The following FKTN variants were observed in gnomAD, a reference collection of about 807,000 sequenced individuals.
The protein encoded by FKTN is fukutin, also known as ribitol-5-phosphate transferase FKTN.
FKTN carries 47 observed loss-of-function variants against 58.6 expected under a neutral mutation model. That is an observed-to-expected ratio of 0.80 (90% CI 0.63 to 1.02). The LOEUF (loss-of-function observed/expected upper bound fraction) is 1.02. Ranked by LOEUF, FKTN falls within the 50% of genes least tolerant of loss-of-function variation. The pLI, the probability that FKTN is intolerant of heterozygous loss-of-function variation, is 0.00. For missense variants in FKTN, 516 were observed against 537.3 expected (o/e 0.96, Z 0.39); for synonymous variants, 178 against 191.9 (o/e 0.93, Z 0.60).
intron 8 of FKTN, 38 bp from the exon 9 acceptor site, chr9:105,617,921 A>AC: frequency 7.3e-7 from 1 of 1,372,212 alleles, no homozygotes; most frequent in South Asian, 1.3e-5. Flanking sequence ...TTTTTTCCAA[A>AC]CCTAAATTTT....
intron 7 of FKTN, among the ~76,000 whole-genome samples, chr9:105,611,837 A>G (rs1829975696): frequency 6.6e-6 from 1 of 152,126 alleles, no homozygotes; most frequent in South Asian, 2.1e-4. Context: ...AAGAGAATGA[A>G]TGATTTATAT....
chr9:105,636,591 T>A lies in FKTN; in HGVS notation c.*1327T>A. Reference sequence around the variant, plus strand: ...TGCTGTTTACCCCATCTCTCTCTTATATCACTTGAATGATATATTGTAAGT... The same window carrying A: ...TGCTGTTTACCCCATCTCTCTCTTAAATCACTTGAATGATATATTGTAAGT... On this transcript the variant is annotated 3_prime_UTR_variant, in exon 11 of 11. Transcript: ENST00000357998. 1 of 1,118,310 alleles carries A rather than the reference T, an allele frequency of 8.9e-7. No homozygotes were observed. Among genetic ancestry groups the A allele is most frequent in the Non-Finnish European group, 1.1e-6 (1 of 888,270 alleles). The allele number at this position is 1,118,310 out of a possible 1,614,324, so 69.3% of individuals were successfully genotyped here.
In FKTN at chr9:105,628,663, C is replaced by T. The variant is rs114909983; in HGVS notation, c.1173-6388C>T. On this transcript the variant is annotated intron_variant, in intron 10 of 10. Transcript: ENST00000357998. The stretch of plus-strand genomic sequence containing the variant: ...ATACTAGCAAGAAATGGAAGCAACC[C>T]AAATGCCCATCTTCTGGTGACTAGT... Among the ~76,000 whole-genome samples, 1,391 of 152,240 alleles carry T rather than the reference C, an allele frequency of 9.1e-3. 23 individuals are homozygous for T. The highest frequency in any genetic ancestry group is 0.032 in the African/African-American group (1,342 of 41,542).
rs1043325182 is a variant in FKTN at position 105,635,479 on chromosome 9, A to C, written c.*215A>C. The C allele has an allele frequency of 2.8e-6, 4 of 1,422,828 alleles. No homozygotes were observed. In the African/African-American group the frequency reaches 5.8e-5, roughly 20 times the overall value. The allele number at this position is 1,422,828 out of a possible 1,614,324, so 88.1% of individuals were successfully genotyped here. A position where few individuals can be genotyped will look rare whatever the true frequency, so the allele number is the denominator to read the frequency against. On this transcript the variant is annotated 3_prime_UTR_variant, in exon 11 of 11. Transcript: ENST00000357998. ...ATGCTAGGTTACAGTGGAGAAGCCT[A>C]GATGAATGAGACAAATACCTACTTC... is the stretch of plus-strand genomic sequence containing the variant.
At chr9:105,569,347 A>C (rs988260503) in intron 1 of FKTN, among the ~76,000 whole-genome samples, 1 of 152,206 alleles carries the variant, frequency 6.6e-6, no homozygotes, top group African/African-American at 2.4e-5. Flanking sequence ...CTGTAGAAAG[A>C]GCCTGAGAAT....
intron 1 of FKTN, among the ~76,000 whole-genome samples, chr9:105,566,564 T>G (rs968608218): frequency 5.9e-5 from 9 of 152,052 alleles, no homozygotes; most frequent in African/African-American, 1.9e-4. Context: ...ATAAATTCCT[T>G]GACACACACA....
At chr9:105,584,292 T>A (rs1162339929) in intron 3 of FKTN, among the ~76,000 whole-genome samples, 2 of 152,200 alleles carry the variant, frequency 1.3e-5, no homozygotes, top group Non-Finnish European at 2.9e-5. Context: ...ATAGTATTTG[T>A]TGTATTGTGT....
rs1284252327 is a variant in FKTN, at chr9:105,574,994, G to A, written c.-39G>A. On this transcript the variant is annotated 5_prime_UTR_variant, in exon 3 of 11. Coordinates refer to ENST00000357998, the MANE Select transcript of FKTN (RefSeq NM_001079802.2). ...AATCCAAAAAGATGAAAACGACTGA[G>A]ATACTTTCAAAAGACAACCAAGTGA... is the stretch of plus-strand genomic sequence containing the variant. The A allele has an allele frequency of 3.8e-6, 4 of 1,062,546 alleles. No homozygotes were observed. In the Admixed American group the frequency reaches 6.7e-5, roughly 18 times the overall value. The allele number at this position is 1,062,546 out of a possible 1,614,324, so 65.8% of individuals were successfully genotyped here. A position where few individuals can be genotyped will look rare whatever the true frequency, so the allele number is the denominator to read the frequency against.
intron 10 of FKTN, among the ~76,000 whole-genome samples, chr9:105,630,620 A>C (rs778833758): frequency 2.0e-5 from 3 of 152,214 alleles, no homozygotes; most frequent in Non-Finnish European, 4.4e-5. Flanking sequence ...ATACCAAAAA[A>C]AATTTTTTAA....
intron 3 of FKTN, among the ~76,000 whole-genome samples, chr9:105,589,458 C>T (rs150130295): frequency 6.6e-5 from 10 of 151,678 alleles, no homozygotes; most frequent in East Asian, 1.9e-4. Flanking sequence ...GCCAAAATCA[C>T]GCCAGTGCAC....
intron 7 of FKTN, among the ~76,000 whole-genome samples, chr9:105,612,767 C>T (rs1830162438): frequency 6.6e-6 from 1 of 152,076 alleles, no homozygotes; most frequent in Non-Finnish European, 1.5e-5. Flanking sequence ...GAGTTTGAGA[C>T]CAGCCTGGGC....
chr9:105,580,263 G>A (rs1285539461), intron 3 of FKTN, among the ~76,000 whole-genome samples: 3 of 152,030 alleles, frequency 2.0e-5, no homozygotes, highest in Non-Finnish European at 2.9e-5. Flanking sequence ...TCCTAGTCTC[G>A]ACGGTCTTTA....
At chr9:105,608,571 A>C (rs1254897337) in intron 7 of FKTN, among the ~76,000 whole-genome samples, 2 of 152,214 alleles carry the variant, frequency 1.3e-5, no homozygotes, top group Non-Finnish European at 2.9e-5. Flanking sequence ...TACAGTGAAA[A>C]CAGGCAAATT....
At chr9:105,593,796 C>T (rs1404474851) in intron 3 of FKTN, among the ~76,000 whole-genome samples, 1 of 152,118 alleles carries the variant, frequency 6.6e-6, no homozygotes, top group Non-Finnish European at 1.5e-5. Context: ...CTTGGTATAT[C>T]AAATAAGATA....
At chr9:105,596,457 TG>T (rs1428794074) in intron 3 of FKTN, 140 bp from the exon 4 acceptor site, 1 of 665,144 alleles carries the variant, frequency 1.5e-6, no homozygotes, top group African/African-American at 1.8e-5. Flanking sequence ...TCTTAGCTCA[TG>T]ACTATATGAA....
chr9:105,607,879 G>A lies in FKTN; in HGVS notation c.708G>A (p.Met236Ile). The change falls in exon 7 of 11, where the codon ATG (methionine) becomes ATA (isoleucine). Residue 236 changes from methionine (M) to isoleucine (I), a missense_variant. Physicochemically the swap from Met to Ile is conservative, Grantham distance 10 (BLOSUM62 1). Coordinates refer to ENST00000357998, the MANE Select transcript of FKTN (RefSeq NM_001079802.2). ...AAGTTCTCATTCCAAAGGATCCAAT[G>A]CACTTTGTAGAAGAAGTACCACACT... ...GLEVLIPKDP[M>I]HFVEEVPHSR... 6.2e-7 allele frequency: 1 copy of A among 1,610,982 alleles called. No homozygotes were observed. Among genetic ancestry groups the A allele is most frequent in the Non-Finnish European group, 8.5e-7 (1 of 1,177,422 alleles).
Position 105,601,230 on chromosome 9 carries a change from A to C in FKTN, c.251A>C (p.Asn84Thr). The C allele has an allele frequency of 6.2e-7, 1 of 1,610,954 alleles. No homozygotes were observed. Among genetic ancestry groups the C allele is most frequent in the Non-Finnish European group, 8.5e-7 (1 of 1,177,394 alleles). The change falls in exon 5 of 11, where the codon AAT becomes ACT. Residue 84 changes from asparagine to threonine, a missense_variant. Asn to Thr is a moderately conservative substitution (Grantham distance 65). Coordinates refer to ENST00000357998, the MANE Select transcript of FKTN (RefSeq NM_001079802.2). ...LIDPLILELI[N>T]KNFEQVKNTS... Reference sequence around the variant, plus strand: ...GATCCTTTGATACTGGAATTGATTAATAAGAACTTTGAACAAGTCAAAAAT... The same window carrying C: ...GATCCTTTGATACTGGAATTGATTACTAAGAACTTTGAACAAGTCAAAAAT...
chr9:105,640,686 A>ATAAT lies in FKTN; in HGVS notation c.*5425_*5428dup, dbSNP rs1373115509. On this transcript the variant is annotated 3_prime_UTR_variant, in exon 11 of 11. Transcript: ENST00000357998. The stretch of plus-strand genomic sequence containing the variant: ...TAGGGACCCATTAACAAGCTCCTAT[A>ATAAT]TAATTATAAGCAGCTCTCACAGTAG... 6.6e-6 allele frequency: 1 copy of ATAAT among 152,188 alleles called. No homozygotes were observed. Among genetic ancestry groups the ATAAT allele is most frequent in the East Asian group, 1.9e-4 (1 of 5,198 alleles). The allele number at this position is 152,188 out of a possible 1,614,324, so 9.4% of individuals were successfully genotyped here.
At chr9:105,592,067 G>C (rs1256834839) in intron 3 of FKTN, among the ~76,000 whole-genome samples, 5 of 152,212 alleles carry the variant, frequency 3.3e-5, no homozygotes. Context: ...ACGTCTCCAG[G>C]CCTGTGATGG....
Sources: allele counts gnomAD v4.1 joint callset (sites outside exome capture counted in the v4.1 genomes callset), GRCh38; gene constraint gnomAD v4.1.1; transcripts MANE v1.5; gene names NCBI Gene and HGNC (gene_info 2026-07-23, HGNC 2026-07-21).